MYO5B: variants seen among roughly 807,000 people sequenced by gnomAD.
The protein encoded by MYO5B is myosin VB.
Under a neutral mutation model 229.3 loss-of-function variants are expected in MYO5B, and 143 were observed. The ratio of observed to expected loss-of-function variants is 0.62; its 90% CI spans 0.54 to 0.72. MYO5B has a LOEUF of 0.72. MYO5B is among the 30% of genes least tolerant of loss of function. The probability of loss-of-function intolerance (pLI) is 0.00; values close to 1 mark genes in which losing one functional copy is unlikely to be tolerated. For missense variants in MYO5B, 2,321 were observed against 2,331.0 expected (o/e 1.00, Z 0.09); for synonymous variants, 918 against 885.2 (o/e 1.04, Z -0.66).
At chr18:50,070,367 A>T (rs573669774) in intron 1 of MYO5B, among the ~76,000 whole-genome samples, 1 of 151,202 alleles carries the variant, frequency 6.6e-6, no homozygotes, top group East Asian at 2.0e-4. Flanking sequence ...ATTTGTTCCC[A>T]CTCCAACTGA....
At chr18:49,965,039 G>C (rs2025606621) in intron 10 of MYO5B, among the ~76,000 whole-genome samples, 1 of 152,258 alleles carries the variant, frequency 6.6e-6, no homozygotes, top group Non-Finnish European at 1.5e-5. Flanking sequence ...ACCGGCAGGA[G>C]AACAACTGTG....
intron 1 of MYO5B, among the ~76,000 whole-genome samples, chr18:50,191,201 G>A (rs2033221884): frequency 6.6e-6 from 1 of 152,202 alleles, no homozygotes; most frequent in African/African-American, 2.4e-5. Flanking sequence ...TAATTGCCAG[G>A]AAGAATAACA....
At chr18:49,847,514 G>A (rs2024145366) in intron 32 of MYO5B, among the ~76,000 whole-genome samples, 1 of 152,192 alleles carries the variant, frequency 6.6e-6, no homozygotes, top group Admixed American at 6.5e-5. Flanking sequence ...AGTGTGAGGA[G>A]CTCAGCATCC....
intron 1 of MYO5B, among the ~76,000 whole-genome samples, chr18:50,157,262 T>G (rs1044268322): frequency 1.3e-5 from 2 of 152,150 alleles, no homozygotes; most frequent in South Asian, 4.1e-4. Context: ...CCTGCCACCA[T>G]GCCCAGCTAA....
Position 49,953,059 on chromosome 18 carries a change from A to C in MYO5B, c.1752+201T>G, listed in dbSNP as rs534924404. The stretch of plus-strand genomic sequence containing the variant: ...TCTTCCCTCCATCAGGCCATACTAA[A>C]GTGTTTTCAGACAAGATTGGACACA... On this transcript the variant is annotated intron_variant, in intron 14 of 39. Coordinates refer to ENST00000285039, the MANE Select transcript of MYO5B (RefSeq NM_001080467.3). Among the ~76,000 whole-genome samples the C allele has an allele frequency of 1.8e-4, 27 of 152,130 alleles. No homozygotes were observed. The South Asian group carries it at 5.6e-3, about 32-fold the overall frequency.
chr18:49,835,397 G>T lies in MYO5B; in HGVS notation c.5341C>A (p.Pro1781Thr). The T allele has an allele frequency of 6.2e-7, 1 of 1,612,440 alleles. No homozygotes were observed. Among genetic ancestry groups the T allele is most frequent in the Non-Finnish European group, 8.5e-7 (1 of 1,179,380 alleles). Residue 1781 changes from proline to threonine, a missense_variant, in exon 39 of 40, where the codon CCC becomes ACC. By Grantham distance (38) the Pro-to-Thr change is conservative. This residue lies in a region of MYO5B where 208 missense variants were observed against 286.3 expected (regional missense o/e 0.73). Transcript: ENST00000285039. ...ACCCGTTCTTCAAATTCATTCAGGGGAGTATAAAGGTTTAAAATTTTGACA... is the reference window on the plus strand; with the variant it reads ...ACCCGTTCTTCAAATTCATTCAGGGTAGTATAAAGGTTTAAAATTTTGACA... Reference protein sequence around the residue: ...QIVKILNLYTPLNEFEERVTV... With the variant: ...QIVKILNLYTTLNEFEERVTV...
At chr18:50,080,141 G>C (rs572151647) in intron 1 of MYO5B, among the ~76,000 whole-genome samples, 2 of 152,120 alleles carry the variant, frequency 1.3e-5, no homozygotes, top group African/African-American at 4.8e-5. Flanking sequence ...CTGGACTCAG[G>C]AAACAACCCA....
chr18:50,132,081 C>CTGTTT (rs2032263010), intron 1 of MYO5B, among the ~76,000 whole-genome samples: 1 of 152,220 alleles, frequency 6.6e-6, no homozygotes, highest in Admixed American at 6.5e-5. Context: ...ACCACATTTC[C>CTGTTT]TGTTTTCTTC....
At chr18:49,921,041 T>C (rs1199402596) in intron 17 of MYO5B, among the ~76,000 whole-genome samples, 1 of 152,194 alleles carries the variant, frequency 6.6e-6, no homozygotes, top group Non-Finnish European at 1.5e-5. Flanking sequence ...GCAAGGGAAG[T>C]AACTGTGCGT....
At chr18:50,194,719 G>T in intron 1 of MYO5B, 48 bp downstream of exon 1, 2 of 1,367,144 alleles carry the variant, frequency 1.5e-6, no homozygotes, top group South Asian at 1.3e-5. Flanking sequence ...AGGTGGCCCC[G>T]AGCGCGCCAC....
intron 22 of MYO5B, among the ~76,000 whole-genome samples, chr18:49,882,352 ACCG>A (rs2024596265): frequency 4.7e-5 from 2 of 42,278 alleles, no homozygotes; most frequent in South Asian, 1.3e-3. Context: ...CCGGCCAGGT[ACCG>A]TGCGTGGCTC....
intron 2 of MYO5B, among the ~76,000 whole-genome samples, chr18:50,044,105 A>G (rs1437540403): frequency 6.6e-6 from 1 of 152,196 alleles, no homozygotes; most frequent in African/African-American, 2.4e-5. Flanking sequence ...TGCAGCTGCA[A>G]ATAAACAAGT....
At chr18:50,046,388 A>G (rs2030226927) in intron 2 of MYO5B, among the ~76,000 whole-genome samples, 1 of 152,204 alleles carries the variant, frequency 6.6e-6, no homozygotes, top group Non-Finnish European at 1.5e-5. Context: ...ACTGAACCCA[A>G]GTTCTGTAAG....
At position 50,001,426 on chromosome 18, in the gene MYO5B, GCT is replaced by G. The variant is rs1182522892; in HGVS notation, c.456-17_456-16del. The G allele has an allele frequency of 6.2e-7, 1 of 1,614,002 alleles. No individual in the cohort carries two copies. Among genetic ancestry groups the G allele is most frequent in the Non-Finnish European group, 8.5e-7 (1 of 1,179,932 alleles). ...TCTTCTCATCTCTGGAAGGAAAAAA[GCT>G]CTGATAAGTCATTGGCCATGGAAAG... On this transcript the variant is annotated splice_polypyrimidine_tract_variant and intron_variant, in intron 4 of 39. Transcript: ENST00000285039.
intron 39 of MYO5B, among the ~76,000 whole-genome samples, chr18:49,833,368 G>A (rs1568601395): frequency 1.3e-5 from 2 of 152,198 alleles, no homozygotes; most frequent in Non-Finnish European, 2.9e-5. Flanking sequence ...GAGTTCAAAT[G>A]TAGGAGGGCA....
intron 1 of MYO5B, among the ~76,000 whole-genome samples, chr18:50,148,341 A>G (rs971957064): frequency 2.0e-5 from 3 of 151,308 alleles, no homozygotes; most frequent in Admixed American, 1.3e-4. Flanking sequence ...TTATGAGGCC[A>G]GCATCATCCT....
At chr18:50,120,251 A>T (rs1269557677) in intron 1 of MYO5B, among the ~76,000 whole-genome samples, 1 of 152,230 alleles carries the variant, frequency 6.6e-6, no homozygotes, top group Non-Finnish European at 1.5e-5. Flanking sequence ...TCCAGGAAGC[A>T]CCGAGTGTAA....
intron 1 of MYO5B, among the ~76,000 whole-genome samples, chr18:50,133,278 T>G (rs977323796): frequency 1.3e-5 from 2 of 152,106 alleles, no homozygotes; most frequent in African/African-American, 4.8e-5. Flanking sequence ...CTCCTCAAAT[T>G]GGAAAAGGTA....
chr18:50,055,283 T>C lies in MYO5B; in HGVS notation c.123A>G (p.Arg41=), dbSNP rs1289814095. 1.4e-6 allele frequency: 2 copies of C among 1,391,586 alleles called. No individual in the cohort carries two copies. Among genetic ancestry groups the C allele is most frequent in the Non-Finnish European group, 1.9e-6 (2 of 1,042,842 alleles). The allele number at this position is 1,391,586 out of a possible 1,614,324, so 86.2% of individuals were successfully genotyped here. A position where few individuals can be genotyped will look rare whatever the true frequency, so the allele number is the denominator to read the frequency against. The stretch of plus-strand genomic sequence containing the variant: ...TCACTCTTACCGTTTCATCCTCCAG[T>C]CTGAGCTGTAGGCTCTTGTCTCCTT... ...YKEGDKSLQL[R]LEDETILEYP... The change falls in exon 2 of 40, where the codon AGA becomes AGG. Residue 41 remains arginine, a synonymous_variant. Transcript: ENST00000285039.
Sources: allele counts gnomAD v4.1 joint callset (sites outside exome capture counted in the v4.1 genomes callset), GRCh38; gene constraint gnomAD v4.1.1; regional missense constraint gnomAD v4.1.1; transcripts MANE v1.5; gene names NCBI Gene and HGNC (gene_info 2026-07-23, HGNC 2026-07-21).